Variants in PLXNA1 observed in about 807,000 individuals in gnomAD.
PLXNA1 encodes the protein plexin-A1.
In PLXNA1, 77 loss-of-function variants were observed where a neutral mutation model predicts 191.7. That is an observed-to-expected ratio of 0.40 (90% CI 0.33 to 0.49). The LOEUF (loss-of-function observed/expected upper bound fraction) is 0.49, where lower values mean the gene tolerates loss of function less well. Among genes scored for constraint, PLXNA1 ranks in the 20% least tolerant of loss-of-function variants. The pLI is 0.63. For missense variants in PLXNA1, 2,110 were observed against 2,660.2 expected (o/e 0.79, Z 4.55); for synonymous variants, 1,137 against 1,156.4 (o/e 0.98, Z 0.34).
chr3:127,018,030 C>A, intron 19 of PLXNA1, 138 bp downstream of exon 19: 1 of 1,223,138 alleles, frequency 8.2e-7, no homozygotes, highest in Non-Finnish European at 1.1e-6. Context: ...CAGTGCAGGC[C>A]CTGCCGTAGC....
At chr3:127,005,485 A>G (rs1378668486) in intron 7 of PLXNA1, among the ~76,000 whole-genome samples, 2 of 152,082 alleles carry the variant, frequency 1.3e-5, no homozygotes, top group Admixed American at 1.3e-4. Flanking sequence ...CCTTCTTAGG[A>G]TTTATCTTAT....
chr3:126,989,785 T>A lies in PLXNA1; in HGVS notation c.1192T>A (p.Ser398Thr). The A allele has an allele frequency of 6.2e-7, 1 of 1,601,910 alleles. No homozygotes were observed. Among genetic ancestry groups the A allele is most frequent in the Non-Finnish European group, 8.5e-7 (1 of 1,172,844 alleles). ...LLNKELGCIN[S>T]PLQIDDDFCG... ...CAACAAGGAGCTGGGCTGCATCAAC[T>A]CGGTGAGTTGGGCAGGGGCGCCCCT... The change falls in exon 2 of 32, where the codon TCG (serine) becomes ACG (threonine). Residue 398 changes from serine to threonine, a missense_variant and splice_region_variant. By Grantham distance (58) the Ser-to-Thr change is moderately conservative. Coordinates refer to ENST00000393409, the MANE Select transcript of PLXNA1 (RefSeq NM_032242.4).
In PLXNA1 at chr3:127,032,382, T is replaced by C. The variant is rs374099906; in HGVS notation, c.5232-5T>C. ...TCTGAGCAGCGCCTGGACTCTCGCCTGCAGCCTGCCCCTGCGCTTCTGGGT... is the reference window on the plus strand; with the variant it reads ...TCTGAGCAGCGCCTGGACTCTCGCCCGCAGCCTGCCCCTGCGCTTCTGGGT... On this transcript the variant is annotated splice_region_variant and splice_polypyrimidine_tract_variant and intron_variant, in intron 29 of 31. Transcript: ENST00000393409. The C allele has an allele frequency of 6.2e-7, 1 of 1,613,440 alleles. No homozygotes were observed.
chr3:126,989,776 T>A lies in PLXNA1; in HGVS notation c.1183T>A (p.Cys395Ser). ...LPWLLNKELG[C>S]INSPLQIDDD... The stretch of plus-strand genomic sequence containing the variant: ...GTGGCTGCTCAACAAGGAGCTGGGC[T>A]GCATCAACTCGGTGAGTTGGGCAGG... The change falls in exon 2 of 32, where the codon TGC becomes AGC. Residue 395 changes from cysteine (C) to serine (S), a missense_variant. Physicochemically the swap from Cys to Ser is moderately radical, Grantham distance 112. Transcript: ENST00000393409. The A allele has an allele frequency of 6.2e-7, 1 of 1,605,680 alleles. No homozygotes were observed. Among genetic ancestry groups the A allele is most frequent in the Non-Finnish European group, 8.5e-7 (1 of 1,175,140 alleles).
intron 21 of PLXNA1, among the ~76,000 whole-genome samples, chr3:127,021,248 C>G (rs1191354216): frequency 6.6e-6 from 1 of 152,216 alleles, no homozygotes; most frequent in Non-Finnish European, 1.5e-5. Context: ...TACACAGCCT[C>G]CCCAGGTTGT....
At chr3:126,994,787 C>T (rs529529543) in intron 3 of PLXNA1, among the ~76,000 whole-genome samples, 2 of 152,244 alleles carry the variant, frequency 1.3e-5, no homozygotes, top group South Asian at 2.1e-4. Context: ...ATGCTGAGCC[C>T]GGCCCCTGGG....
At chr3:127,024,238 A>G (rs1200628433) in intron 23 of PLXNA1, among the ~76,000 whole-genome samples, 1 of 152,152 alleles carries the variant, frequency 6.6e-6, no homozygotes, top group Non-Finnish European at 1.5e-5. Flanking sequence ...GCAAATGCCT[A>G]TAAGCACCGA....
chr3:127,017,543 A>G lies in PLXNA1; in HGVS notation c.3395A>G (p.Asn1132Ser), dbSNP rs750234990. 2.5e-6 allele frequency: 4 copies of G among 1,613,682 alleles called. No homozygotes were observed. Among genetic ancestry groups the G allele is most frequent in the South Asian group, 1.1e-5 (1 of 91,082 alleles). Residue 1132 changes from asparagine to serine, a missense_variant, in exon 18 of 32, where the codon AAC becomes AGC. By Grantham distance (46) the Asn-to-Ser change is conservative. Transcript: ENST00000393409. ...GATGAGCTGGGCTTCGTCATGGACAACGTGCGCTCCCTGCTTGTGCTCAAC... is the reference window on the plus strand; with the variant it reads ...GATGAGCTGGGCTTCGTCATGGACAGCGTGCGCTCCCTGCTTGTGCTCAAC... ...RPDELGFVMD[N>S]VRSLLVLNST...
chr3:126,991,753 C>T (rs997346420), intron 3 of PLXNA1, among the ~76,000 whole-genome samples, 187 bp downstream of exon 3: 1 of 152,204 alleles, frequency 6.6e-6, no homozygotes, highest in Non-Finnish European at 1.5e-5. Flanking sequence ...CCCTCTGTGC[C>T]TCTGCCCATG....
chr3:127,013,681 C>G (rs898707927), intron 10 of PLXNA1, among the ~76,000 whole-genome samples: 1 of 152,250 alleles, frequency 6.6e-6, no homozygotes, highest in Non-Finnish European at 1.5e-5. Flanking sequence ...GATGCGTATT[C>G]TAGGGCCAGC....
rs768313880 is a variant in PLXNA1 at position 127,014,183 on chromosome 3, G to C, written c.2412G>C (p.Ala804=). ...AGCTGACCGCACCCCTCCCCACAGC[G>C]CACCTCTACAAGTGCCCGGCCCTGC... The part of the protein sequence containing the change: ...FVIDNPQNIQ[A]HLYKCPALRE... Residue 804 remains alanine (A), a splice_region_variant and synonymous_variant, in exon 12 of 32, where the codon GCG becomes GCC. Transcript: ENST00000393409. 2.5e-6 allele frequency: 4 copies of C among 1,610,902 alleles called. No homozygotes were observed. The highest frequency in any genetic ancestry group is 1.7e-5 in the Admixed American group (1 of 59,884).
chr3:127,020,197 C>T lies in PLXNA1; in HGVS notation c.3896-5C>T. On this transcript the variant is annotated splice_region_variant and splice_polypyrimidine_tract_variant and intron_variant, in intron 20 of 31. Transcript: ENST00000393409. ...TGCTGCCCCTGACGCCGCATCTGGC[C>T]ACAGCCTTTGCAGAGCTGCAGACAG... 2 of 1,612,572 alleles carry T rather than the reference C, an allele frequency of 1.2e-6. No individual in the cohort carries two copies. Among genetic ancestry groups the T allele is most frequent in the Non-Finnish European group, 1.7e-6 (2 of 1,179,850 alleles).
chr3:127,017,917 G>A (rs1487128401), intron 19 of PLXNA1, 25 bp downstream of exon 19: 1 of 1,609,126 alleles, frequency 6.2e-7, no homozygotes, highest in South Asian at 1.1e-5. Flanking sequence ...CGGGGGTGCA[G>A]AGCTGGGAGA....
intron 3 of PLXNA1, among the ~76,000 whole-genome samples, chr3:126,992,403 A>C (rs1425466665): frequency 4.6e-5 from 7 of 151,886 alleles, no homozygotes; most frequent in Admixed American, 4.6e-4. Flanking sequence ...AGCTCCCCTG[A>C]GCCCATGTGT....
At chr3:126,985,343 G>A (rs543595647) in intron 1 of PLXNA1, among the ~76,000 whole-genome samples, 6 of 152,168 alleles carry the variant, frequency 3.9e-5, no homozygotes, top group Admixed American at 2.6e-4. Flanking sequence ...TAGCCCCATC[G>A]GCATCCCAAG....
At position 127,006,038 on chromosome 3, in the gene PLXNA1, G is replaced by T. The variant is rs12489348; in HGVS notation, c.1898-41G>T. On this transcript the variant is annotated intron_variant, in intron 7 of 31. Transcript: ENST00000393409. Reference sequence around the variant, plus strand: ...TGGACTTGCCCTGTGTGGGAGTCCTGGGCAAGCAGTCCTGGTGACTCAGCC... The same window carrying T: ...TGGACTTGCCCTGTGTGGGAGTCCTTGGCAAGCAGTCCTGGTGACTCAGCC... 273 of 1,527,754 alleles carry T rather than the reference G, an allele frequency of 1.8e-4. 2 individuals carry two copies. Among genetic ancestry groups the T allele is most frequent in the South Asian group, 1.4e-3 (121 of 89,392 alleles). The allele number at this position is 1,527,754 out of a possible 1,614,324, so 94.6% of individuals were successfully genotyped here.
rs2079249643 is a variant in PLXNA1 at position 127,037,343 on chromosome 3, G to A, written c.*3326G>A. ...TTACTGTTCTTCAGATTTAGTACTT[G>A]TAAATAAACACACACATTAAGGAGA... On this transcript the variant is annotated 3_prime_UTR_variant, in exon 32 of 32. Coordinates refer to ENST00000393409, the MANE Select transcript of PLXNA1 (RefSeq NM_032242.4). The A allele has an allele frequency of 6.6e-6, 1 of 152,644 alleles. No homozygotes were observed. The highest frequency in any genetic ancestry group is 2.4e-5 in the African/African-American group (1 of 41,458). The allele number at this position is 152,644 out of a possible 1,614,324, so 9.5% of individuals were successfully genotyped here. A position where few individuals can be genotyped will look rare whatever the true frequency, so the allele number is the denominator to read the frequency against.
rs576910185 is a variant in PLXNA1 at position 127,032,439 on chromosome 3, G to A, written c.5284G>A (p.Asp1762Asn). ...GATCAAGAACCCACAGTTTGTGTTCGACATTCACAAGAACAGCATCACGGA... is the reference window on the plus strand; with the variant it reads ...GATCAAGAACCCACAGTTTGTGTTCAACATTCACAAGAACAGCATCACGGA... ...NVIKNPQFVF[D>N]IHKNSITDAC... is the part of the protein sequence containing the mutation. The change falls in exon 30 of 32, where the codon GAC becomes AAC. Residue 1762 changes from aspartate (D) to asparagine (N), a missense_variant. By Grantham distance (23) the Asp-to-Asn change is conservative (BLOSUM62 1). Transcript: ENST00000393409. 13 of 1,613,976 alleles carry A rather than the reference G, an allele frequency of 8.1e-6. No individual in the cohort carries two copies. Among genetic ancestry groups the A allele is most frequent in the Non-Finnish European group, 8.5e-7 (1 of 1,179,992 alleles).
chr3:127,028,318 C>A lies in PLXNA1; in HGVS notation c.4647C>A (p.Pro1549=), dbSNP rs750769186. ...AGGGCGTGCCCTACTCCCAGCGGCC[C>A]AAGGCCGCGGACATGGACCTGGGTG... ...AYKGVPYSQR[P]KAADMDLEWR... Residue 1549 remains proline, a synonymous_variant, in exon 25 of 32, where the codon CCC becomes CCA. Coordinates refer to ENST00000393409, the MANE Select transcript of PLXNA1 (RefSeq NM_032242.4). 6.2e-7 allele frequency: 1 copy of A among 1,611,906 alleles called. No individual in the cohort carries two copies. Among genetic ancestry groups the A allele is most frequent in the African/African-American group, 1.3e-5 (1 of 75,024 alleles).
Sources: allele counts gnomAD v4.1 joint callset (sites outside exome capture counted in the v4.1 genomes callset), GRCh38; gene constraint gnomAD v4.1.1; transcripts MANE v1.5; gene names NCBI Gene and HGNC (gene_info 2026-07-23, HGNC 2026-07-21).